The following STAG1 variants were observed in gnomAD, a reference collection of about 807,000 sequenced individuals.
The protein encoded by STAG1 is STAG1 cohesin complex component.
Under a neutral mutation model 170.9 loss-of-function variants are expected in STAG1, and 26 were observed. The ratio of observed to expected loss-of-function variants is 0.15; its 90% CI spans 0.11 to 0.21. The LOEUF is 0.21. STAG1 is among the 10% of genes least tolerant of loss of function. STAG1 has a pLI of 1.00. For synonymous variants in STAG1, 514 were observed against 497.7 expected (o/e 1.03, Z -0.44); for missense variants, 964 against 1,509.5 (o/e 0.64, Z 5.99).
intron 1 of STAG1, among the ~76,000 whole-genome samples, chr3:136,662,432 A>G (rs1941612719): frequency 6.6e-6 from 1 of 152,044 alleles, no homozygotes; most frequent in African/African-American, 2.4e-5. Context: ...GATTACAGGC[A>G]TGAACCACCA....
chr3:136,661,833 T>C (rs897523125), intron 1 of STAG1, among the ~76,000 whole-genome samples: 2 of 152,214 alleles, frequency 1.3e-5, no homozygotes, highest in African/African-American at 4.8e-5. Context: ...CTTCACAGTA[T>C]CCCTGTGAGG....
chr3:136,703,196 A>C (rs559687610), intron 1 of STAG1, among the ~76,000 whole-genome samples: 2 of 152,300 alleles, frequency 1.3e-5, no homozygotes, highest in Non-Finnish European at 2.9e-5. Context: ...GAAATCAACT[A>C]TTCCAGAACT....
chr3:136,722,641 CCTCCCT>C (rs1317272471), intron 1 of STAG1, among the ~76,000 whole-genome samples: 2 of 143,250 alleles, frequency 1.4e-5, no homozygotes, highest in Non-Finnish European at 3.0e-5. Context: ...TCCCTCTCCC[CCTCCCT>C]CTCCCCTCTC....
At chr3:136,668,799 T>G (rs1941893999) in intron 1 of STAG1, among the ~76,000 whole-genome samples, 1 of 152,202 alleles carries the variant, frequency 6.6e-6, no homozygotes, top group African/African-American at 2.4e-5. Context: ...CCAAAGGCTC[T>G]GCAGCTGGAA....
At chr3:136,531,698 G>C (rs1935377145) in intron 6 of STAG1, among the ~76,000 whole-genome samples, 1 of 148,936 alleles carries the variant, frequency 6.7e-6, no homozygotes, top group Non-Finnish European at 1.5e-5. Flanking sequence ...CTCATAGGTG[G>C]GAATTGAACA....
chr3:136,369,500 C>A (rs762478708), intron 23 of STAG1, among the ~76,000 whole-genome samples: 6 of 152,040 alleles, frequency 3.9e-5, no homozygotes, highest in Non-Finnish European at 8.8e-5. Flanking sequence ...CCAAATATAA[C>A]CTATTTCTTT....
chr3:136,727,604 G>A (rs1933760728), intron 1 of STAG1, among the ~76,000 whole-genome samples: 1 of 152,150 alleles, frequency 6.6e-6, no homozygotes. Flanking sequence ...ATGGAACTCT[G>A]TCTCTGAGAG....
chr3:136,466,434 G>C (rs1285507756), intron 12 of STAG1, among the ~76,000 whole-genome samples: 4 of 152,180 alleles, frequency 2.6e-5, no homozygotes, highest in Non-Finnish European at 4.4e-5. Context: ...GAAATGAAGT[G>C]AGAAGAGAAG....
chr3:136,340,067 A>G (rs1478754765), intron 32 of STAG1, among the ~76,000 whole-genome samples: 5 of 152,190 alleles, frequency 3.3e-5, no homozygotes, highest in Non-Finnish European at 7.3e-5. Flanking sequence ...AGAACACCCA[A>G]GCTCATCCAA....
chr3:136,409,181 T>C (rs1309619874), intron 21 of STAG1, among the ~76,000 whole-genome samples: 1 of 151,970 alleles, frequency 6.6e-6, no homozygotes, highest in East Asian at 1.9e-4. Context: ...GGAGAATTGG[T>C]TGAACCTGGG....
At chr3:136,675,335 C>T (rs1942099726) in intron 1 of STAG1, among the ~76,000 whole-genome samples, 1 of 152,144 alleles carries the variant, frequency 6.6e-6, no homozygotes, top group African/African-American at 2.4e-5. Flanking sequence ...CAGCCATATG[C>T]AAACATGAGT....
At chr3:136,357,089 A>G (rs915929734) in intron 28 of STAG1, among the ~76,000 whole-genome samples, 2 of 152,086 alleles carry the variant, frequency 1.3e-5, no homozygotes, top group African/African-American at 4.8e-5. Context: ...CTGGGACTAC[A>G]GGCACCCGCC....
At chr3:136,696,832 G>C (rs891016929) in intron 1 of STAG1, among the ~76,000 whole-genome samples, 1 of 152,044 alleles carries the variant, frequency 6.6e-6, no homozygotes, top group African/African-American at 2.4e-5. Flanking sequence ...GCAGAACCAC[G>C]AATAAGAAAA....
chr3:136,567,073 T>G (rs1210522461), intron 5 of STAG1, among the ~76,000 whole-genome samples: 1 of 152,214 alleles, frequency 6.6e-6, no homozygotes, highest in Non-Finnish European at 1.5e-5. Context: ...GTTAACTATG[T>G]GTAGATGGAT....
In STAG1 at chr3:136,493,579, C is replaced by G. The variant is rs559014918; in HGVS notation, c.902+6644G>C. On this transcript the variant is annotated intron_variant, in intron 9 of 33. Coordinates refer to ENST00000383202, the MANE Select transcript of STAG1 (RefSeq NM_005862.3). The stretch of plus-strand genomic sequence containing the variant: ...CTGAGGCGGGAGTACTGCTTGAGCC[C>G]GTGAAGTCAAGGCTGCAGTGAGCAA... Among the ~76,000 whole-genome samples, 31 of 149,514 alleles carry G rather than the reference C, an allele frequency of 2.1e-4. No homozygotes were observed. The Admixed American group carries it at 2.1e-3, about 10-fold the overall frequency.
At chr3:136,563,944 A>G (rs1220863266) in intron 5 of STAG1, among the ~76,000 whole-genome samples, 1 of 151,668 alleles carries the variant, frequency 6.6e-6, no homozygotes, top group Non-Finnish European at 1.5e-5. Flanking sequence ...AACTGCTTGA[A>G]CCCAGGCGGC....
chr3:136,743,285 T>A (rs1934768489), intron 1 of STAG1, among the ~76,000 whole-genome samples: 1 of 151,718 alleles, frequency 6.6e-6, no homozygotes, highest in South Asian at 2.1e-4. Context: ...GGAGAATCAG[T>A]TGAACCCAGG....
At chr3:136,740,569 C>G (rs1030023021) in intron 1 of STAG1, among the ~76,000 whole-genome samples, 1 of 152,110 alleles carries the variant, frequency 6.6e-6, no homozygotes, top group African/African-American at 2.4e-5. Context: ...CAACCTTGAC[C>G]TCCTGGGCTC....
intron 16 of STAG1, among the ~76,000 whole-genome samples, chr3:136,428,568 T>C (rs576607758): frequency 2.6e-5 from 4 of 152,104 alleles, no homozygotes; most frequent in Admixed American, 6.6e-5. Context: ...TAGTACTCAA[T>C]GGAAAGGGCT....
Sources: gnomAD v4.1 joint callset for allele counts (sites outside exome capture counted in the v4.1 genomes callset) on GRCh38, gnomAD v4.1.1 for gene constraint, MANE v1.5 for transcripts, NCBI Gene and HGNC (gene_info 2026-07-23, HGNC 2026-07-21) for gene names.